Variants in CTNND2 observed in about 807,000 individuals in gnomAD.
CTNND2 encodes catenin delta 2, also known as catenin delta-2.
Under a neutral mutation model 144.4 loss-of-function variants are expected in CTNND2, and 22 were observed. The ratio of observed to expected loss-of-function variants is 0.15; its 90% confidence interval spans 0.11 to 0.22. The LOEUF (loss-of-function observed/expected upper bound fraction) is 0.22, where lower values mean the gene tolerates loss of function less well. Among genes scored for constraint, CTNND2 ranks in the 10% least tolerant of loss-of-function variants. The pLI is 1.00. For missense variants in CTNND2, 1,353 were observed against 1,618.8 expected (o/e 0.84, Z 2.82); for synonymous variants, 751 against 695.6 (o/e 1.08, Z -1.25).
intron 16 of CTNND2, among the ~76,000 whole-genome samples, chr5:11,029,232 G>C (rs1243288530): frequency 6.6e-6 from 1 of 152,030 alleles, no homozygotes; most frequent in Non-Finnish European, 1.5e-5. Context: ...TTTTTTTAAT[G>C]CACTCTGTCA....
chr5:11,637,537 G>A (rs1781775043), intron 2 of CTNND2, among the ~76,000 whole-genome samples: 1 of 151,996 alleles, frequency 6.6e-6, no homozygotes, highest in Non-Finnish European at 1.5e-5. Context: ...TACAATCTTA[G>A]TACAGAATTC....
In CTNND2 at chr5:11,165,554, T is replaced by C. The variant is rs370898238; in HGVS notation, c.1976-5795A>G. Among the ~76,000 whole-genome samples the C allele has an allele frequency of 2.6e-5, 4 of 152,354 alleles. No homozygotes were observed. In the East Asian group the frequency reaches 5.8e-4, roughly 22 times the overall value. On this transcript the variant is annotated intron_variant, in intron 11 of 21. Transcript: ENST00000304623. ...TCCAGATTATAATCTGTGACAAATT[T>C]GTTTTATTAGCATCTTTCTTTTATT...
chr5:11,202,719 G>A (rs766223448), intron 10 of CTNND2, among the ~76,000 whole-genome samples: 14 of 152,260 alleles, frequency 9.2e-5, no homozygotes, highest in East Asian at 1.9e-4. Context: ...GTGGCTGTGC[G>A]TGGCTCTGAT....
At chr5:11,591,754 T>A (rs1182987114) in intron 2 of CTNND2, among the ~76,000 whole-genome samples, 2 of 152,200 alleles carry the variant, frequency 1.3e-5, no homozygotes, top group Admixed American at 1.3e-4. Context: ...TGTGTATTTG[T>A]GTTTTTGTGT....
intron 1 of CTNND2, among the ~76,000 whole-genome samples, chr5:11,786,688 A>C (rs1473466877): frequency 1.3e-5 from 2 of 152,042 alleles, no homozygotes; most frequent in African/African-American, 4.8e-5. Context: ...GAGAAAATGG[A>C]CTTTTCCTGA....
chr5:10,992,566 G>C lies in CTNND2; in HGVS notation c.3196C>G (p.Pro1066Ala). 6.2e-7 allele frequency: 1 copy of C among 1,614,074 alleles called. No individual in the cohort carries two copies. The highest frequency in any genetic ancestry group is 8.5e-7 in the Non-Finnish European group (1 of 1,180,028). ...AGCCTCTTACCTGAGCGGTTGTTGG[G>C]AGACACGCGCACAGGGGAGATGGAG... The part of the protein sequence containing the change: ...TPSISPVRVS[P>A]NNRSASAPAS... The change falls in exon 19 of 22, where the codon CCC (proline) becomes GCC (alanine). Residue 1066 changes from proline to alanine, a missense_variant. Coordinates refer to ENST00000304623, the MANE Select transcript of CTNND2 (RefSeq NM_001332.4).
intron 1 of CTNND2, among the ~76,000 whole-genome samples, chr5:11,832,207 C>A (rs1412681694): frequency 6.6e-6 from 1 of 152,042 alleles, no homozygotes; most frequent in Non-Finnish European, 1.5e-5. Context: ...TGGCATGAAC[C>A]CGGAGGCGGA....
chr5:11,656,434 A>G (rs1457987700), intron 2 of CTNND2, among the ~76,000 whole-genome samples: 1 of 151,446 alleles, frequency 6.6e-6, no homozygotes, highest in Non-Finnish European at 1.5e-5. Flanking sequence ...AAAAAAATAT[A>G]CTAATGTGAA....
At chr5:11,635,045 A>G (rs77395285) in intron 2 of CTNND2, among the ~76,000 whole-genome samples, 3,755 of 152,154 alleles carry the variant, frequency 0.025, 160 homozygotes, top group African/African-American at 0.086. Flanking sequence ...AGGACATCTG[A>G]TGTTAAGGCA....
chr5:11,172,128 C>A (rs558101116), intron 11 of CTNND2, among the ~76,000 whole-genome samples: 5 of 152,056 alleles, frequency 3.3e-5, no homozygotes, highest in African/African-American at 1.2e-4. Context: ...AGAAAGATAC[C>A]GATGCACTAG....
chr5:11,007,202 G>A (rs1740573715), intron 18 of CTNND2, among the ~76,000 whole-genome samples: 1 of 152,164 alleles, frequency 6.6e-6, no homozygotes, highest in African/African-American at 2.4e-5. Context: ...TTTGCTAGTA[G>A]GATTGACAGG....
chr5:11,048,105 A>T (rs1297403695), intron 16 of CTNND2, among the ~76,000 whole-genome samples: 1 of 152,108 alleles, frequency 6.6e-6, no homozygotes, highest in Non-Finnish European at 1.5e-5. Flanking sequence ...ACCCTCCTTG[A>T]GGCAAGGAAA....
At chr5:11,461,887 C>T (rs911162801) in intron 3 of CTNND2, among the ~76,000 whole-genome samples, 2 of 152,230 alleles carry the variant, frequency 1.3e-5, no homozygotes, top group Non-Finnish European at 2.9e-5. Flanking sequence ...TAAAAATCTA[C>T]ACAAGAATAA....
chr5:10,991,880 A>G (rs1424031125), intron 19 of CTNND2, among the ~76,000 whole-genome samples: 2 of 152,210 alleles, frequency 1.3e-5, no homozygotes, highest in Non-Finnish European at 2.9e-5. Context: ...TTTTTATCCC[A>G]ATTATGACAA....
chr5:11,869,199 C>T (rs762798628), intron 1 of CTNND2, among the ~76,000 whole-genome samples: 4 of 152,134 alleles, frequency 2.6e-5, no homozygotes, highest in Non-Finnish European at 5.9e-5. Context: ...ACAGAATTGC[C>T]ATATGATGCA....
intron 12 of CTNND2, among the ~76,000 whole-genome samples, chr5:11,142,765 C>T (rs1241153263): frequency 1.3e-5 from 2 of 151,926 alleles, no homozygotes; most frequent in South Asian, 2.1e-4. Context: ...AGGCGCGCGC[C>T]ACCATGCCCG....
intron 2 of CTNND2, among the ~76,000 whole-genome samples, chr5:11,622,866 A>T (rs1780923934): frequency 6.6e-6 from 1 of 152,228 alleles, no homozygotes; most frequent in African/African-American, 2.4e-5. Flanking sequence ...CAGAATGATT[A>T]AAACAACTGT....
intron 11 of CTNND2, among the ~76,000 whole-genome samples, chr5:11,170,454 C>T (rs559291213): frequency 7.7e-4 from 117 of 152,280 alleles, no homozygotes; most frequent in African/African-American, 2.7e-3. Context: ...AGTATATACA[C>T]GTTGTGTAAT....
intron 2 of CTNND2, among the ~76,000 whole-genome samples, chr5:11,645,515 A>T (rs1782301026): frequency 6.6e-6 from 1 of 152,212 alleles, no homozygotes; most frequent in African/African-American, 2.4e-5. Context: ...TACGTGAATG[A>T]TTCCTTATCT....
Sources: gnomAD v4.1 joint callset for allele counts (sites outside exome capture counted in the v4.1 genomes callset) on GRCh38, gnomAD v4.1.1 for gene constraint, MANE v1.5 for transcripts, NCBI Gene and HGNC (gene_info 2026-07-23, HGNC 2026-07-21) for gene names.